Variants in CTNNA2 observed in about 807,000 individuals in gnomAD.
The protein encoded by CTNNA2 is catenin alpha-2.
A neutral mutation model predicts 101.0 loss-of-function variants in CTNNA2; 42 were observed. The ratio of observed to expected loss-of-function variants is 0.42; its 90% CI spans 0.32 to 0.54. CTNNA2 has a LOEUF of 0.54. CTNNA2 is among the 20% of genes least tolerant of loss of function. The pLI is 0.14. For missense variants in CTNNA2, 871 were observed against 1,223.1 expected, an observed-to-expected ratio of 0.71 and a Z score of 4.29; for synonymous variants, 450 against 456.4, an observed-to-expected ratio of 0.99 and a Z score of 0.18.
intron 1 of CTNNA2, among the ~76,000 whole-genome samples, chr2:79,559,389 G>C (rs779282088): frequency 4.6e-5 from 7 of 151,866 alleles, no homozygotes; most frequent in Non-Finnish European, 8.8e-5. Context: ...TTTGGATTTT[G>C]ATTGTGATAT....
At chr2:79,532,630 A>G (rs1470232329) in intron 1 of CTNNA2, among the ~76,000 whole-genome samples, 1 of 151,976 alleles carries the variant, frequency 6.6e-6, no homozygotes, top group Non-Finnish European at 1.5e-5. Flanking sequence ...TGAATGACAT[A>G]TTTTGGAACA....
intron 7 of CTNNA2, among the ~76,000 whole-genome samples, chr2:80,270,337 T>C (rs966098955): frequency 5.3e-5 from 8 of 152,152 alleles, no homozygotes; most frequent in African/African-American, 1.9e-4. Context: ...AAACAGCCTA[T>C]GAAGATGGAA....
At chr2:80,525,163 T>C (rs1689924291) in intron 9 of CTNNA2, among the ~76,000 whole-genome samples, 1 of 152,026 alleles carries the variant, frequency 6.6e-6, no homozygotes, top group South Asian at 2.1e-4. Context: ...CCTCTGGTAG[T>C]TCCTGTTTGT....
At chr2:80,647,090 T>TA (rs1558677755) in intron 18 of CTNNA2, among the ~76,000 whole-genome samples, 3 of 152,032 alleles carry the variant, frequency 2.0e-5, no homozygotes, top group Admixed American at 6.6e-5. Flanking sequence ...CTGTTAATAG[T>TA]TAAATTGATA....
At chr2:80,265,027 T>G (rs1253557221) in intron 7 of CTNNA2, among the ~76,000 whole-genome samples, 4 of 149,208 alleles carry the variant, frequency 2.7e-5, no homozygotes, top group Non-Finnish European at 5.9e-5. Flanking sequence ...CACACTGGAG[T>G]GCAGTTGTGC....
chr2:79,718,226 C>T (rs78421224), intron 2 of CTNNA2, among the ~76,000 whole-genome samples: 9 of 152,202 alleles, frequency 5.9e-5, no homozygotes, highest in African/African-American at 1.7e-4. Context: ...TTAACAAGTA[C>T]GTTTATGAGA....
chr2:79,608,730 A>G (rs1334231439), intron 1 of CTNNA2, among the ~76,000 whole-genome samples: 2 of 152,114 alleles, frequency 1.3e-5, no homozygotes, highest in African/African-American at 4.8e-5. Flanking sequence ...TTCTCAGCCA[A>G]TTAGAAACAG....
intron 7 of CTNNA2, among the ~76,000 whole-genome samples, chr2:80,119,089 T>A (rs1701687790): frequency 6.6e-6 from 1 of 152,156 alleles, no homozygotes; most frequent in African/African-American, 2.4e-5. Context: ...AGAACCACGG[T>A]TGTTTTAGCA....
chr2:79,699,941 A>T (rs1045405413), intron 2 of CTNNA2, among the ~76,000 whole-genome samples: 204 of 148,672 alleles, frequency 1.4e-3, no homozygotes, highest in African/African-American at 4.8e-3. Context: ...ATATATTTAC[A>T]TATCACATAT....
intron 9 of CTNNA2, among the ~76,000 whole-genome samples, chr2:80,474,721 A>C (rs996558895): frequency 6.6e-6 from 1 of 152,216 alleles, no homozygotes; most frequent in Non-Finnish European, 1.5e-5. Context: ...TTATTAGGGT[A>C]AATATCAACA....
intron 7 of CTNNA2, among the ~76,000 whole-genome samples, chr2:80,054,047 A>G (rs6738962): frequency 0.077 from 11,733 of 152,326 alleles, 684 homozygotes; most frequent in African/African-American, 0.16. Context: ...AGTGCTCTGC[A>G]AAGCTTTGCC....
At chr2:80,079,333 C>G (rs901165981) in intron 7 of CTNNA2, among the ~76,000 whole-genome samples, 1 of 152,168 alleles carries the variant, frequency 6.6e-6, no homozygotes, top group African/African-American at 2.4e-5. Flanking sequence ...TGGAGTGTTA[C>G]AAGTGAAGAA....
intron 2 of CTNNA2, among the ~76,000 whole-genome samples, chr2:79,225,234 A>G (rs888777891): frequency 6.6e-6 from 1 of 152,090 alleles, no homozygotes; most frequent in Non-Finnish European, 1.5e-5. Context: ...CATTTTAACT[A>G]TTTTGCAGTC....
intron 2 of CTNNA2, among the ~76,000 whole-genome samples, chr2:79,289,368 G>T (rs2104371344): frequency 6.6e-6 from 1 of 152,296 alleles, no homozygotes; most frequent in Admixed American, 6.5e-5. Flanking sequence ...GACAACAAAA[G>T]ATGTGAGTGT....
intron 2 of CTNNA2, among the ~76,000 whole-genome samples, chr2:79,727,171 T>A (rs1686898070): frequency 6.6e-6 from 1 of 152,228 alleles, no homozygotes; most frequent in Admixed American, 6.5e-5. Context: ...TACATGGGAA[T>A]TATGCATTGC....
At chr2:79,659,623 G>A (rs1248861403) in intron 2 of CTNNA2, among the ~76,000 whole-genome samples, 1 of 152,010 alleles carries the variant, frequency 6.6e-6, no homozygotes, top group Non-Finnish European at 1.5e-5. Flanking sequence ...ATTTACCTTT[G>A]TTTTCATACT....
chr2:80,018,057 T>G (rs1236993189), intron 7 of CTNNA2, among the ~76,000 whole-genome samples: 3 of 152,202 alleles, frequency 2.0e-5, no homozygotes, highest in Non-Finnish European at 4.4e-5. Context: ...CATAAATATG[T>G]TCATGATTAA....
intron 9 of CTNNA2, among the ~76,000 whole-genome samples, chr2:80,478,954 T>C (rs776637577): frequency 2.0e-5 from 3 of 152,066 alleles, no homozygotes; most frequent in Non-Finnish European, 4.4e-5. Context: ...AATCTGTAGA[T>C]TGCTTTGGGC....
At chr2:79,311,107 C>A in intron 2 of CTNNA2, among the ~76,000 whole-genome samples, 1 of 152,140 alleles carries the variant, frequency 6.6e-6, no homozygotes, top group East Asian at 1.9e-4. Flanking sequence ...TGACTCTGTC[C>A]AAATTACTTA....
Sources: gnomAD v4.1 joint callset for allele counts (sites outside exome capture counted in the v4.1 genomes callset) on GRCh38, gnomAD v4.1.1 for gene constraint, MANE v1.5 for transcripts, NCBI Gene and HGNC (gene_info 2026-07-23, HGNC 2026-07-21) for gene names.